Variants in FBXW11 observed in about 807,000 individuals in gnomAD.
The protein encoded by FBXW11 is F-box/WD repeat-containing protein 11.
Under a neutral mutation model 77.6 loss-of-function variants are expected in FBXW11, and 19 were observed. The ratio of observed to expected loss-of-function variants is 0.24; its 90% CI spans 0.17 to 0.36. The LOEUF (loss-of-function observed/expected upper bound fraction) is 0.36. FBXW11 is among the 10% of genes least tolerant of loss of function. The probability of loss-of-function intolerance (pLI) is 1.00; values close to 1 mark genes in which losing one functional copy is unlikely to be tolerated. For missense variants in FBXW11, 334 were observed against 704.2 expected (o/e 0.47, Z 5.95); for synonymous variants, 235 against 249.4 (o/e 0.94, Z 0.54).
Position 172,006,624 on chromosome 5 carries a change from GC to G in FBXW11, c.-123del. 7.7e-7 allele frequency: 1 copy of G among 1,299,384 alleles called. No individual in the cohort carries two copies. The highest frequency in any genetic ancestry group is 9.8e-7 in the Non-Finnish European group (1 of 1,022,786). The allele number at this position is 1,299,384 out of a possible 1,614,324, so 80.5% of individuals were successfully genotyped here. A position where few individuals can be genotyped will look rare whatever the true frequency, so the allele number is the denominator to read the frequency against. On this transcript the variant is annotated 5_prime_UTR_variant, in exon 1 of 14. Coordinates refer to ENST00000517395, the MANE Select transcript of FBXW11 (RefSeq NM_001378974.1). Reference sequence around the variant, plus strand: ...TCGCACCCACTCTAGCTGCCAGCCCGCCCGGGCCGCCGGCAGCTCCGCCCTC... The same window carrying G: ...TCGCACCCACTCTAGCTGCCAGCCCGCCGGGCCGCCGGCAGCTCCGCCCTC...
intron 1 of FBXW11, among the ~76,000 whole-genome samples, chr5:172,004,000 C>A (rs1363521183): frequency 1.3e-5 from 2 of 152,218 alleles, no homozygotes; most frequent in African/African-American, 4.8e-5. Flanking sequence ...AAAAATATTT[C>A]ATGCTTTAGG....
chr5:171,945,720 C>T (rs531261874), intron 2 of FBXW11, among the ~76,000 whole-genome samples: 1 of 152,122 alleles, frequency 6.6e-6, no homozygotes, highest in East Asian at 1.9e-4. Context: ...CCAACCACAC[C>T]GAGGCTCCAA....
At position 171,957,578 on chromosome 5, in the gene FBXW11, C is replaced by A. The variant is rs1015432704; in HGVS notation, c.147+19G>T. The A allele has an allele frequency of 1.9e-6, 3 of 1,604,100 alleles. No individual in the cohort carries two copies. The highest frequency in any genetic ancestry group is 2.6e-6 in the Non-Finnish European group (3 of 1,170,920). On this transcript the variant is annotated intron_variant, in intron 2 of 13. Transcript: ENST00000517395. ...GGCATACGTAAAAACACATTTACAACAAGAAAGAAGAGAGGCACCTGGAGA... is the reference window on the plus strand; with the variant it reads ...GGCATACGTAAAAACACATTTACAAAAAGAAAGAAGAGAGGCACCTGGAGA...
intron 7 of FBXW11, among the ~76,000 whole-genome samples, chr5:171,878,553 A>AGAGTGTGT (rs879378029): frequency 4.7e-5 from 5 of 105,492 alleles, no homozygotes; most frequent in African/African-American, 1.8e-4. Context: ...TCTCCATAAG[A>AGAGTGTGT]GTGTGTGAGT....
chr5:171,894,688 CTTTTTT>C (rs142463470), intron 6 of FBXW11, among the ~76,000 whole-genome samples: 4 of 130,208 alleles, frequency 3.1e-5, no homozygotes, highest in Non-Finnish European at 5.0e-5. Flanking sequence ...TAACCCAGGT[CTTTTTT>C]TTTTTTTTTT....
chr5:172,002,414 A>ATGTGTG (rs55720474), intron 1 of FBXW11, among the ~76,000 whole-genome samples: 2,444 of 144,046 alleles, frequency 0.017, 67 homozygotes, highest in African/African-American at 0.058. Context: ...TTTTATATAA[A>ATGTGTG]TGTGTGTGTG....
At chr5:171,985,993 A>C (rs1350582797) in intron 1 of FBXW11, among the ~76,000 whole-genome samples, 1 of 152,122 alleles carries the variant, frequency 6.6e-6, no homozygotes, top group Non-Finnish European at 1.5e-5. Context: ...GATAAAGTGA[A>C]ATTGGTCTCA....
At chr5:171,937,027 T>G (rs1406954386) in intron 2 of FBXW11, among the ~76,000 whole-genome samples, 3 of 152,270 alleles carry the variant, frequency 2.0e-5, no homozygotes, top group African/African-American at 7.2e-5. Flanking sequence ...GAATCCACAC[T>G]GACCTGATAC....
chr5:171,993,087 C>A (rs1380024983), intron 1 of FBXW11, among the ~76,000 whole-genome samples: 1 of 151,374 alleles, frequency 6.6e-6, no homozygotes, highest in Non-Finnish European at 1.5e-5. Flanking sequence ...CAAAAGCAAG[C>A]AGAAGAGGTG....
intron 2 of FBXW11, among the ~76,000 whole-genome samples, chr5:171,951,442 G>C (rs1377955388): frequency 2.0e-5 from 3 of 152,056 alleles, no homozygotes; most frequent in African/African-American, 7.2e-5. Flanking sequence ...AGGCTGAAGT[G>C]CGAGGGATCA....
At chr5:171,934,613 G>C (rs760178724) in intron 2 of FBXW11, among the ~76,000 whole-genome samples, 51 of 150,826 alleles carry the variant, frequency 3.4e-4, no homozygotes, top group Non-Finnish European at 2.5e-4. Context: ...GGAGGCAGAG[G>C]TTGCAGCGAG....
chr5:171,903,817 T>A (rs1760296269), intron 4 of FBXW11, among the ~76,000 whole-genome samples: 1 of 151,768 alleles, frequency 6.6e-6, no homozygotes, highest in Non-Finnish European at 1.5e-5. Flanking sequence ...GGCTAATTTT[T>A]TTTAAAAAAA....
chr5:171,971,243 G>A (rs1764512487), intron 1 of FBXW11, among the ~76,000 whole-genome samples: 1 of 152,084 alleles, frequency 6.6e-6, no homozygotes, highest in Admixed American at 6.6e-5. Context: ...TCAATCTATA[G>A]GTTTACAGAT....
chr5:171,874,842 G>A (rs1232753856), intron 9 of FBXW11, among the ~76,000 whole-genome samples: 4 of 150,566 alleles, frequency 2.7e-5, no homozygotes, highest in Non-Finnish European at 5.9e-5. Flanking sequence ...AGCCTCAGGA[G>A]TCCCTGAGCT....
intron 2 of FBXW11, among the ~76,000 whole-genome samples, chr5:171,930,322 C>G (rs1170670364): frequency 6.6e-6 from 1 of 152,190 alleles, no homozygotes; most frequent in African/African-American, 2.4e-5. Flanking sequence ...TAACATCATA[C>G]GTATTAGTGA....
At chr5:171,915,613 C>CTGTGTGTG (rs200618306) in intron 2 of FBXW11, among the ~76,000 whole-genome samples, 10,435 of 129,470 alleles carry the variant, frequency 0.081, 542 homozygotes, top group East Asian at 0.1. Flanking sequence ...GTCACTCATT[C>CTGTGTGTG]TGTGTGTGTG....
At chr5:171,988,198 G>A (rs1765546797) in intron 1 of FBXW11, among the ~76,000 whole-genome samples, 2 of 152,116 alleles carry the variant, frequency 1.3e-5, no homozygotes, top group South Asian at 4.1e-4. Flanking sequence ...ACAACCCATG[G>A]CAATGATTTT....
chr5:171,966,433 G>A (rs529506233), intron 1 of FBXW11, among the ~76,000 whole-genome samples: 1 of 152,330 alleles, frequency 6.6e-6, no homozygotes, highest in Admixed American at 6.5e-5. Context: ...GAAGCTGGAG[G>A]AGGAAAGAAT....
At chr5:171,901,499 C>CCTTCATATACTAAAATTCTCTTACT (rs1760111399) in intron 4 of FBXW11, among the ~76,000 whole-genome samples, 1 of 152,012 alleles carries the variant, frequency 6.6e-6, no homozygotes, top group East Asian at 1.9e-4. Context: ...ATTTCCAGGT[C>CCTTCATATACTAAAATTCTCTTACT]CTTCATATAC....
Sources: allele counts gnomAD v4.1 joint callset (sites outside exome capture counted in the v4.1 genomes callset), GRCh38; gene constraint gnomAD v4.1.1; transcripts MANE v1.5; gene names NCBI Gene and HGNC (gene_info 2026-07-23, HGNC 2026-07-21).